Variants in KIF2A observed in about 807,000 individuals in gnomAD.
The protein encoded by KIF2A is kinesin-like protein KIF2A.
A neutral mutation model predicts 100.2 loss-of-function variants in KIF2A; 22 were observed. That is an observed-to-expected ratio of 0.22 (90% CI 0.16 to 0.31). The LOEUF is 0.31. KIF2A is among the 10% of genes least tolerant of loss of function. KIF2A has a pLI of 1.00. For synonymous variants in KIF2A, 268 were observed against 285.9 expected (o/e 0.94, Z 0.63); for missense variants, 495 against 898.7 (o/e 0.55, Z 5.74).
At position 62,358,337 on chromosome 5, in the gene KIF2A, T is replaced by C; in HGVS notation, c.872+38T>C. ...ATTTTAAATCAGAATTTTGTTCTTA[T>C]GCCATGTGGTCATCAGCACCTTGAA... is the stretch of plus-strand genomic sequence containing the variant. On this transcript the variant is annotated intron_variant, in intron 9 of 20. Coordinates refer to ENST00000407818, the MANE Select transcript of KIF2A (RefSeq NM_001098511.3). 4.9e-6 allele frequency: 7 copies of C among 1,423,184 alleles called. No individual in the cohort carries two copies. The South Asian group carries it at 7.2e-5, about 15-fold the overall frequency. The allele number at this position is 1,423,184 out of a possible 1,614,324, so 88.2% of individuals were successfully genotyped here.
rs965801637 is a variant in KIF2A, at chr5:62,308,854, C to T, written c.64+2318C>T. 1.4e-4 allele frequency among the ~76,000 whole-genome samples: 22 copies of T among 152,022 alleles called. 1 individual carries two copies. Among genetic ancestry groups the T allele is most frequent in the Admixed American group, 1.4e-3 (22 of 15,274 alleles). On this transcript the variant is annotated intron_variant, in intron 1 of 20. Coordinates refer to ENST00000407818, the MANE Select transcript of KIF2A (RefSeq NM_001098511.3). ...AACAAGTTTAGAGATACAGGGGGACCAATGTTAGTAAAATTGTATTAGAGA... is the reference window on the plus strand; with the variant it reads ...AACAAGTTTAGAGATACAGGGGGACTAATGTTAGTAAAATTGTATTAGAGA...
At chr5:62,364,712 G>A (rs1740985375) in intron 14 of KIF2A, among the ~76,000 whole-genome samples, 1 of 152,184 alleles carries the variant, frequency 6.6e-6, no homozygotes, top group African/African-American at 2.4e-5. Flanking sequence ...ATAGTTTCCA[G>A]AAATATCTGT....
At chr5:62,307,002 T>C (rs1317372667) in intron 1 of KIF2A, 1 of 152,412 alleles carries the variant, frequency 6.6e-6, no homozygotes, top group African/African-American at 2.5e-5. Context: ...ATTTCACATT[T>C]AGAGAACCGA....
At position 62,373,676 on chromosome 5, in the gene KIF2A, T is replaced by C. The variant is rs73104058; in HGVS notation, c.1761-11T>C. 169,143 of 1,605,236 alleles carry C rather than the reference T, an allele frequency of 0.11. 10,563 individuals are homozygous for C. Among genetic ancestry groups the C allele is most frequent in the Admixed American group, 0.23 (13,780 of 59,580 alleles). On this transcript the variant is annotated splice_polypyrimidine_tract_variant and intron_variant, in intron 17 of 20. Coordinates refer to ENST00000407818, the MANE Select transcript of KIF2A (RefSeq NM_001098511.3). ...TGTTTTTAACTTTAGATACCTCTTA[T>C]GTATTTATAGGGTCAAAGAATTGAC...
chr5:62,317,214 A>C (rs1430302365), intron 1 of KIF2A, among the ~76,000 whole-genome samples: 1 of 151,990 alleles, frequency 6.6e-6, no homozygotes, highest in Non-Finnish European at 1.5e-5. Flanking sequence ...GTGCCCAGCT[A>C]ATTTTGTATT....
chr5:62,342,597 C>G (rs1156343335), intron 1 of KIF2A, among the ~76,000 whole-genome samples: 1 of 152,154 alleles, frequency 6.6e-6, no homozygotes, highest in Non-Finnish European at 1.5e-5. Flanking sequence ...AATGGGCAGT[C>G]TTGCTCTGAA....
At chr5:62,348,025 C>T (rs1747664105) in intron 2 of KIF2A, 23 bp from the exon 3 acceptor site, 1 of 1,606,054 alleles carries the variant, frequency 6.2e-7, no homozygotes, top group African/African-American at 1.3e-5. Flanking sequence ...TCTCAAAAGA[C>T]TATGTGTATG....
In KIF2A at chr5:62,390,736, T is replaced by TA. The variant is rs1742270195; in HGVS notation, c.*5168dup. 2 of 684,158 alleles carry TA rather than the reference T, an allele frequency of 2.9e-6. No individual in the cohort carries two copies. The highest frequency in any genetic ancestry group is 4.1e-4 in the Middle Eastern group (1 of 2,418). 42.4% of individuals were successfully genotyped at this position (684,158 alleles called of 1,614,324 possible). ...ACTAGCCTCCATCTTCTACACCAAA[T>TA]ACTATTCCATGCCATGGAAGTGCTA... On this transcript the variant is annotated 3_prime_UTR_variant, in exon 21 of 21. Transcript: ENST00000407818.
chr5:62,321,805 C>T (rs925005675), intron 1 of KIF2A, among the ~76,000 whole-genome samples: 3 of 152,206 alleles, frequency 2.0e-5, no homozygotes, highest in Non-Finnish European at 4.4e-5. Context: ...GTGATCCGCC[C>T]ACCTTGGCCT....
At chr5:62,379,841 C>T (rs984043563) in intron 19 of KIF2A, among the ~76,000 whole-genome samples, 6 of 152,138 alleles carry the variant, frequency 3.9e-5, no homozygotes, top group East Asian at 1.9e-4. Context: ...AGCAAATCCA[C>T]GTATAAGAGC....
At chr5:62,348,566 TAAAG>T (rs758544103) in intron 3 of KIF2A, among the ~76,000 whole-genome samples, 4 of 152,196 alleles carry the variant, frequency 2.6e-5, no homozygotes, top group Non-Finnish European at 5.9e-5. Context: ...ATTTGTTTCT[TAAAG>T]AAAGATGGGA....
chr5:62,380,396 A>C (rs1741722952), intron 19 of KIF2A, among the ~76,000 whole-genome samples: 1 of 152,176 alleles, frequency 6.6e-6, no homozygotes, highest in South Asian at 2.1e-4. Context: ...TTCCCTCCCC[A>C]AAATTCCCAT....
intron 16 of KIF2A, among the ~76,000 whole-genome samples, chr5:62,372,175 A>AACT (rs1741353308): frequency 6.6e-6 from 1 of 152,328 alleles, no homozygotes; most frequent in African/African-American, 2.4e-5. Flanking sequence ...GACTTAGTTA[A>AACT]ACTTCTAGGA....
intron 1 of KIF2A, among the ~76,000 whole-genome samples, chr5:62,339,017 G>A (rs1278635188): frequency 1.3e-5 from 2 of 152,070 alleles, no homozygotes; most frequent in East Asian, 3.9e-4. Flanking sequence ...ATTGCTAGGG[G>A]GATTACAAAT....
At chr5:62,335,452 C>A (rs955679565) in intron 1 of KIF2A, among the ~76,000 whole-genome samples, 2 of 152,136 alleles carry the variant, frequency 1.3e-5, no homozygotes, top group African/African-American at 4.8e-5. Context: ...GTAGCATGAA[C>A]GAAGGAGCCC....
At chr5:62,374,195 G>A (rs748604803) in intron 18 of KIF2A, among the ~76,000 whole-genome samples, 6 of 152,216 alleles carry the variant, frequency 3.9e-5, no homozygotes, top group Non-Finnish European at 7.3e-5. Context: ...CTAGGTGACA[G>A]AGCGAGACCT....
intron 20 of KIF2A, among the ~76,000 whole-genome samples, chr5:62,383,443 TTG>T (rs1463085744): frequency 1.3e-5 from 2 of 150,628 alleles, no homozygotes; most frequent in African/African-American, 4.9e-5. Context: ...CGGGGTTTCA[TTG>T]TGTTAGTCAG....
Position 62,350,114 on chromosome 5 carries a change from A to G in KIF2A, c.328A>G (p.Asn110Asp). 4.5e-6 allele frequency: 7 copies of G among 1,569,964 alleles called. No homozygotes were observed. Among genetic ancestry groups the G allele is most frequent in the Non-Finnish European group, 6.1e-6 (7 of 1,154,568 alleles). ...TAAGAATGACCCTCCTTCAAGAGAT[A>G]ATAGAGGTAAAGTAAAAATTTATCT... ...SIKNDPPSRD[N>D]RVVGSARARP... The change falls in exon 4 of 21, where the codon AAT (asparagine) becomes GAT (aspartate). Residue 110 changes from asparagine (N) to aspartate (D), a missense_variant. By Grantham distance (23) the Asn-to-Asp change is conservative. Coordinates refer to ENST00000407818, the MANE Select transcript of KIF2A (RefSeq NM_001098511.3).
At chr5:62,326,659 C>CATCA (rs1408325337) in intron 1 of KIF2A, among the ~76,000 whole-genome samples, 1 of 151,752 alleles carries the variant, frequency 6.6e-6, no homozygotes, top group Non-Finnish European at 1.5e-5. Flanking sequence ...GAGTCATTTC[C>CATCA]ATCAATATGG....
Sources: allele counts gnomAD v4.1 joint callset (sites outside exome capture counted in the v4.1 genomes callset), GRCh38; gene constraint gnomAD v4.1.1; transcripts MANE v1.5; gene names NCBI Gene and HGNC (gene_info 2026-07-23, HGNC 2026-07-21).